Variants in ARNT2 observed in about 807,000 individuals in gnomAD.
ARNT2 encodes aryl hydrocarbon receptor nuclear translocator 2.
A neutral mutation model predicts 91.7 loss-of-function variants in ARNT2; 36 were observed. The observed-to-expected ratio is 0.39, with a 90% CI of 0.30 to 0.52. The LOEUF (loss-of-function observed/expected upper bound fraction) is 0.52, where lower values mean the gene tolerates loss of function less well. Ranked by LOEUF, ARNT2 falls within the 20% of genes least tolerant of loss-of-function variation. ARNT2 has a pLI of 0.72. For synonymous variants in ARNT2, 365 were observed against 347.1 expected (o/e 1.05, Z -0.57); for missense variants, 775 against 939.3 (o/e 0.83, Z 2.29).
At chr15:80,558,163 A>T (rs773507615) in intron 11 of ARNT2, among the ~76,000 whole-genome samples, 1 of 152,014 alleles carries the variant, frequency 6.6e-6, no homozygotes, top group Non-Finnish European at 1.5e-5. Flanking sequence ...TGTCTCAGGG[A>T]TGCCCTCTGT....
intron 1 of ARNT2, among the ~76,000 whole-genome samples, chr15:80,410,570 T>C (rs1023547834): frequency 2.0e-5 from 3 of 152,150 alleles, no homozygotes; most frequent in Non-Finnish European, 4.4e-5. Context: ...TTTACCAGGT[T>C]CTCTAAATGC....
At position 80,553,054 on chromosome 15, in the gene ARNT2, G is replaced by A. The variant is rs560883076; in HGVS notation, c.1089+280G>A. On this transcript the variant is annotated intron_variant, in intron 10 of 18. Coordinates refer to ENST00000303329, the MANE Select transcript of ARNT2 (RefSeq NM_014862.4). Reference sequence around the variant, plus strand: ...GAATTAAGATGTTCTATTAATAGGGGATCTCTTATTAATATTCATTACAAA... The same window carrying A: ...GAATTAAGATGTTCTATTAATAGGGAATCTCTTATTAATATTCATTACAAA... Among the ~76,000 whole-genome samples, 9 of 152,152 alleles carry A rather than the reference G, an allele frequency of 5.9e-5. No homozygotes were observed. In the East Asian group the frequency reaches 1.7e-3, roughly 29 times the overall value.
At chr15:80,475,433 G>A (rs1404752877) in intron 5 of ARNT2, 7 of 455,788 alleles carry the variant, frequency 1.5e-5, no homozygotes, top group African/African-American at 8.0e-5. Context: ...GGTGGTGGGC[G>A]CCTGTGGTCC....
intron 17 of ARNT2, among the ~76,000 whole-genome samples, chr15:80,583,777 T>C (rs1218961933): frequency 6.6e-6 from 1 of 152,192 alleles, no homozygotes; most frequent in African/African-American, 2.4e-5. Flanking sequence ...AGCTGGGCAG[T>C]ACATCTGAGA....
At chr15:80,421,730 C>A (rs527780246) in intron 1 of ARNT2, among the ~76,000 whole-genome samples, 1 of 152,204 alleles carries the variant, frequency 6.6e-6, no homozygotes, top group Non-Finnish European at 1.5e-5. Context: ...GAAGGTGCAC[C>A]TTTTTCCTAG....
At position 80,535,242 on chromosome 15, in the gene ARNT2, C is replaced by G. The variant is rs530546730; in HGVS notation, c.878-15957C>G. 2.1e-4 allele frequency among the ~76,000 whole-genome samples: 32 copies of G among 152,290 alleles called. 1 individual carries two copies. Among genetic ancestry groups the G allele is most frequent in the African/African-American group, 7.2e-4 (30 of 41,546 alleles). On this transcript the variant is annotated intron_variant, in intron 8 of 18. Coordinates refer to ENST00000303329, the MANE Select transcript of ARNT2 (RefSeq NM_014862.4). The stretch of plus-strand genomic sequence containing the variant: ...GTTGTTTACATATTTCTCCTTTAGT[C>G]CCAGAGTTAGTTTTATAAAACACGT...
At chr15:80,488,687 C>T (rs1897011907) in intron 5 of ARNT2, 1 of 152,032 alleles carries the variant, frequency 6.6e-6, no homozygotes, top group South Asian at 2.1e-4. Flanking sequence ...CCAATGCGAC[C>T]CCTGCCAACA....
At chr15:80,407,284 A>G (rs1055284291) in intron 1 of ARNT2, among the ~76,000 whole-genome samples, 1 of 152,134 alleles carries the variant, frequency 6.6e-6, no homozygotes, top group Non-Finnish European at 1.5e-5. Flanking sequence ...ACCATTTACA[A>G]TGACACTCTT....
rs113043900 is a variant in ARNT2, at chr15:80,540,749, T to C, written c.878-10450T>C. 3.4e-3 allele frequency among the ~76,000 whole-genome samples: 518 copies of C among 152,292 alleles called. 2 individuals carry two copies. The highest frequency in any genetic ancestry group is 0.012 in the African/African-American group (484 of 41,562). ...ACTTATAAGTGAGAACATGTGGTATTTGGCTCTCTGTTCCTGCATTAATTC... is the reference window on the plus strand; with the variant it reads ...ACTTATAAGTGAGAACATGTGGTATCTGGCTCTCTGTTCCTGCATTAATTC... On this transcript the variant is annotated intron_variant, in intron 8 of 18. Transcript: ENST00000303329.
At chr15:80,510,537 A>AT (rs1897326472) in intron 6 of ARNT2, among the ~76,000 whole-genome samples, 1 of 152,166 alleles carries the variant, frequency 6.6e-6, no homozygotes, top group Non-Finnish European at 1.5e-5. Flanking sequence ...CTCTTATTAA[A>AT]AAGTCAAAAA....
intron 1 of ARNT2, among the ~76,000 whole-genome samples, chr15:80,437,019 G>T (rs979793572): frequency 6.6e-6 from 1 of 151,980 alleles, no homozygotes; most frequent in Non-Finnish European, 1.5e-5. Flanking sequence ...GGATTTACCT[G>T]CTGTGTCACT....
At chr15:80,501,162 T>G (rs1897187704) in intron 5 of ARNT2, among the ~76,000 whole-genome samples, 1 of 152,188 alleles carries the variant, frequency 6.6e-6, no homozygotes, top group Non-Finnish European at 1.5e-5. Flanking sequence ...CTAAGATGGT[T>G]TGGATTTTTG....
intron 8 of ARNT2, among the ~76,000 whole-genome samples, chr15:80,531,351 T>A (rs1046230489): frequency 2.0e-5 from 3 of 152,228 alleles, no homozygotes; most frequent in African/African-American, 7.2e-5. Context: ...TTGTTTATAT[T>A]ACTCAGGATT....
intron 5 of ARNT2, among the ~76,000 whole-genome samples, chr15:80,495,999 C>T (rs1336233040): frequency 6.6e-6 from 1 of 152,216 alleles, no homozygotes; most frequent in Non-Finnish European, 1.5e-5. Flanking sequence ...TCCTCGAGTA[C>T]CAGCTGAGTT....
At chr15:80,473,391 T>C (rs1394923177) in intron 4 of ARNT2, among the ~76,000 whole-genome samples, 2 of 152,096 alleles carry the variant, frequency 1.3e-5, no homozygotes, top group Non-Finnish European at 2.9e-5. Context: ...CCACAGTCTT[T>C]GCAAACTGGA....
At chr15:80,421,871 G>A (rs1319567740) in intron 1 of ARNT2, among the ~76,000 whole-genome samples, 1 of 152,176 alleles carries the variant, frequency 6.6e-6, no homozygotes. Context: ...GCAGTCAGCT[G>A]GCTGGCAGTC....
chr15:80,582,218 C>T (rs567464857), intron 17 of ARNT2, among the ~76,000 whole-genome samples: 68 of 151,882 alleles, frequency 4.5e-4, no homozygotes, highest in African/African-American at 1.5e-3. Flanking sequence ...GCAGGCAGGG[C>T]GCGGTGACTC....
At chr15:80,535,627 A>G (rs1308841901) in intron 8 of ARNT2, among the ~76,000 whole-genome samples, 2 of 151,926 alleles carry the variant, frequency 1.3e-5, no homozygotes, top group East Asian at 1.9e-4. Flanking sequence ...TCTTTAAAAC[A>G]TTATGAAGGT....
At chr15:80,565,726 A>G (rs4778815) in intron 12 of ARNT2, among the ~76,000 whole-genome samples, 124,696 of 151,838 alleles carry the variant, frequency 0.82, 51,332 homozygotes, top group East Asian at 0.99. Flanking sequence ...TTTTAATGGG[A>G]TTTGTTTTTT....
Sources: allele counts gnomAD v4.1 joint callset (sites outside exome capture counted in the v4.1 genomes callset), GRCh38; gene constraint gnomAD v4.1.1; transcripts MANE v1.5; gene names NCBI Gene and HGNC (gene_info 2026-07-23, HGNC 2026-07-21).